TCOF1: variants seen among roughly 807,000 people sequenced by gnomAD.
TCOF1 encodes the protein treacle ribosome biogenesis factor 1.
In TCOF1, 33 loss-of-function variants were observed where a neutral mutation model predicts 149.0. That is an observed-to-expected ratio of 0.22 (90% CI 0.17 to 0.30). The LOEUF (loss-of-function observed/expected upper bound fraction) is 0.30, where lower values mean the gene tolerates loss of function less well. TCOF1 is among the 10% of genes least tolerant of loss of function. TCOF1 has a pLI of 1.00. For synonymous variants in TCOF1, 789 were observed against 738.8 expected, an observed-to-expected ratio of 1.07 and a Z score of -1.10; for missense variants, 1,728 against 1,840.7, an observed-to-expected ratio of 0.94 and a Z score of 1.12.
At chr5:150,383,576 G>T (rs1765673158) in intron 17 of TCOF1, among the ~76,000 whole-genome samples, 1 of 152,230 alleles carries the variant, frequency 6.6e-6, no homozygotes, top group Non-Finnish European at 1.5e-5. Context: ...AAGGGTGCCT[G>T]TTAACTGTGA....
Position 150,376,530 on chromosome 5 carries a change from A to C in TCOF1, c.2250A>C (p.Thr750=). 6.2e-7 allele frequency: 1 copy of C among 1,611,202 alleles called. No homozygotes were observed. Residue 750 remains threonine (T), a synonymous_variant, in exon 14 of 27, where the codon ACA becomes ACC. Coordinates refer to ENST00000643257, the MANE Select transcript of TCOF1 (RefSeq NM_001371623.1). ...APVLPGKTGP[T]VTQVKAEKQE... ...TACTCCCTGGGAAGACGGGGCCTACAGTCACCCAGGTGAAAGCTGAAAAGC... is the reference window on the plus strand; with the variant it reads ...TACTCCCTGGGAAGACGGGGCCTACCGTCACCCAGGTGAAAGCTGAAAAGC...
At chr5:150,369,022 A>C in intron 5 of TCOF1, 120 bp downstream of exon 5, 1 of 1,304,106 alleles carries the variant, frequency 7.7e-7, no homozygotes. Context: ...CAGGACAGCC[A>C]GGTTCCTGCA....
intron 7 of TCOF1, 87 bp downstream of exon 7, chr5:150,372,323 G>A (rs533211110): frequency 9.6e-5 from 112 of 1,167,166 alleles, no homozygotes. Context: ...TCTGCCACTG[G>A]AGTTGGGGAG....
At chr5:150,379,206 A>G (rs1435516482) in intron 15 of TCOF1, 23 bp from the exon 16 acceptor site, 1 of 1,614,144 alleles carries the variant, frequency 6.2e-7, no homozygotes, top group South Asian at 1.1e-5. Flanking sequence ...TGCCTCCAAT[A>G]CTATTATCCC....
chr5:150,376,242 G>T lies in TCOF1; in HGVS notation c.2054G>T (p.Gly685Val), dbSNP rs1305040304. The change falls in exon 13 of 27, where the codon GGC (glycine) becomes GTC (valine). Residue 685 changes from glycine to valine, a missense_variant. Around this residue, in one of 2 missense-constraint regions of TCOF1, gnomAD observed 1,696 missense variants for 1,765.4 expected, o/e 0.96. Coordinates refer to ENST00000643257, the MANE Select transcript of TCOF1 (RefSeq NM_001371623.1). ...PAGSSPAVAG[G>V]TQRPAEDSSS... ...GGCTCATCCCCAGCTGTGGCTGGGG[G>T]CACCCAGAGACCAGCAGAGGATTCT... 1 of 1,614,084 alleles carries T rather than the reference G, an allele frequency of 6.2e-7. No homozygotes were observed. Among genetic ancestry groups the T allele is most frequent in the African/African-American group, 1.3e-5 (1 of 74,946 alleles).
Position 150,379,221 on chromosome 5 carries a change from C to T in TCOF1, c.2479-8C>T, listed in dbSNP as rs1764478285. 1.9e-6 allele frequency: 3 copies of T among 1,614,178 alleles called. No individual in the cohort carries two copies. Among genetic ancestry groups the T allele is most frequent in the Admixed American group, 1.7e-5 (1 of 60,024 alleles). ...TGCCTCCAATACTATTATCCCCCTG[C>T]AATTCAGGTGAAGCCACCAGTGAGA... On this transcript the variant is annotated splice_polypyrimidine_tract_variant and splice_region_variant and intron_variant, in intron 15 of 26. Coordinates refer to ENST00000643257, the MANE Select transcript of TCOF1 (RefSeq NM_001371623.1).
At chr5:150,383,311 C>A in intron 17 of TCOF1, 1 of 724,148 alleles carries the variant, frequency 1.4e-6, no homozygotes, top group Non-Finnish European at 2.2e-6. Flanking sequence ...GCTCTTTCCT[C>A]TATTGTGACA....
intron 5 of TCOF1, among the ~76,000 whole-genome samples, 191 bp downstream of exon 5, chr5:150,369,093 G>C (rs1050521111): frequency 6.6e-6 from 1 of 152,244 alleles, no homozygotes; most frequent in Non-Finnish European, 1.5e-5. Flanking sequence ...CCTGGCCTCA[G>C]GCTGAACAGC....
At chr5:150,395,206 G>A (rs1768210936) in intron 23 of TCOF1, among the ~76,000 whole-genome samples, 1 of 152,248 alleles carries the variant, frequency 6.6e-6, no homozygotes. Flanking sequence ...GCAGGGGGCA[G>A]CCCTAGCCTC....
intron 10 of TCOF1, 66 bp from the exon 11 acceptor site, chr5:150,375,273 T>C (rs1763489868): frequency 1.9e-6 from 3 of 1,604,480 alleles, no homozygotes; most frequent in Middle Eastern, 2.2e-4. Context: ...CTTCGTTTGC[T>C]CTCCTCCCCT....
rs1233383868 is a variant in TCOF1 at position 150,368,921 on chromosome 5, T to G, written c.565+19T>G. 1 of 1,612,974 alleles carries G rather than the reference T, an allele frequency of 6.2e-7. No homozygotes were observed. The highest frequency in any genetic ancestry group is 8.5e-7 in the Non-Finnish European group (1 of 1,179,960). ...AAGCCTGGTAAGAAGTCCCCACCTC[T>G]AGGAACCTAGTCCCCAGAACTTGGG... is the stretch of plus-strand genomic sequence containing the variant. On this transcript the variant is annotated intron_variant, in intron 5 of 26. Transcript: ENST00000643257.
chr5:150,372,242 G>T lies in TCOF1; in HGVS notation c.870+6G>T, dbSNP rs796894327. On this transcript the variant is annotated splice_donor_region_variant and intron_variant, in intron 7 of 26. Transcript: ENST00000643257. ...CTGCAGGGACACGAAGCCAGGTGAG[G>T]CCTGGAGGAGGGCTGCCCCTTGGAG... The T allele has an allele frequency of 1.9e-6, 3 of 1,604,014 alleles. No homozygotes were observed. In the African/African-American group the frequency reaches 4.0e-5, roughly 21 times the overall value.
rs1764386925 is a variant in TCOF1 at position 150,378,854 on chromosome 5, G to T, written c.2341-51G>T. The T allele has an allele frequency of 1.9e-6, 3 of 1,613,306 alleles. No homozygotes were observed. The African/African-American group carries it at 4.0e-5, about 22-fold the overall frequency. On this transcript the variant is annotated intron_variant, in intron 14 of 26. Transcript: ENST00000643257. ...CCAGAGTCTGTATTCTTGGCTAGCT[G>T]CTTTACTCAATCTCACCTTCTCCCT...
chr5:150,384,699 G>T, intron 17 of TCOF1: 1 of 985,492 alleles, frequency 1.0e-6, no homozygotes, highest in Non-Finnish European at 1.2e-6. Context: ...CAGAAAAGAA[G>T]TCAGCGGTTT....
Position 150,374,314 on chromosome 5 carries a change from G to A in TCOF1, c.1011G>A (p.Glu337=). 6.3e-7 allele frequency: 1 copy of A among 1,583,394 alleles called. No individual in the cohort carries two copies. The highest frequency in any genetic ancestry group is 1.1e-5 in the South Asian group (1 of 87,626). ...AGACCAAGGCAGGGAAGCCAGAGGA[G>A]GACTCAGAGAGCAGCAGCGAGGAGT... The part of the protein sequence containing the change: ...ASQTKAGKPE[E]DSESSSEESS... Residue 337 remains glutamate (E), a synonymous_variant, in exon 8 of 27, where the codon GAG becomes GAA. Transcript: ENST00000643257.
intron 5 of TCOF1, 72 bp downstream of exon 5, chr5:150,368,974 T>C: frequency 6.3e-7 from 1 of 1,576,628 alleles, no homozygotes; most frequent in Non-Finnish European, 8.7e-7. Flanking sequence ...GGCATTGCTT[T>C]AAGTTCTGGG....
In TCOF1 at chr5:150,376,240, G is replaced by T; in HGVS notation, c.2052G>T (p.Gly684=). 1 of 1,614,218 alleles carries T rather than the reference G, an allele frequency of 6.2e-7. No homozygotes were observed. Among genetic ancestry groups the T allele is most frequent in the Non-Finnish European group, 8.5e-7 (1 of 1,180,036 alleles). ...SPAGSSPAVA[G]GTQRPAEDSS... Reference sequence around the variant, plus strand: ...CAGGCTCATCCCCAGCTGTGGCTGGGGGCACCCAGAGACCAGCAGAGGATT... The same window carrying T: ...CAGGCTCATCCCCAGCTGTGGCTGGTGGCACCCAGAGACCAGCAGAGGATT... The change falls in exon 13 of 27, where the codon GGG becomes GGT. Residue 684 remains glycine (G), a synonymous_variant. Coordinates refer to ENST00000643257, the MANE Select transcript of TCOF1 (RefSeq NM_001371623.1).
At position 150,374,992 on chromosome 5, in the gene TCOF1, C is replaced by T; in HGVS notation, c.1317C>T (p.Ala439=). The change falls in exon 10 of 27, where the codon GCC becomes GCT. Residue 439 remains alanine (A), a synonymous_variant. Coordinates refer to ENST00000643257, the MANE Select transcript of TCOF1 (RefSeq NM_001371623.1). The part of the protein sequence containing the change: ...PSGKAPQVRA[A]SAPAKESPRK... ...GGAAGGCCCCCCAGGTCAGAGCCGCCTCGGCCCCTGCCAAGGAGTCCCCCA... is the reference window on the plus strand; with the variant it reads ...GGAAGGCCCCCCAGGTCAGAGCCGCTTCGGCCCCTGCCAAGGAGTCCCCCA... 6.2e-7 allele frequency: 1 copy of T among 1,613,932 alleles called. No homozygotes were observed. The highest frequency in any genetic ancestry group is 8.5e-7 in the Non-Finnish European group (1 of 1,179,990).
At chr5:150,398,969 T>C (rs755171015) in intron 25 of TCOF1, 53 bp from the exon 26 acceptor site, 36 of 1,613,842 alleles carry the variant, frequency 2.2e-5, no homozygotes, top group Admixed American at 1.0e-4. Context: ...GGGGCAGCAG[T>C]GGGTGGGGAA....
Sources: gnomAD v4.1 joint callset for allele counts (sites outside exome capture counted in the v4.1 genomes callset) on GRCh38, gnomAD v4.1.1 for gene constraint, gnomAD v4.1.1 regional missense constraint, MANE v1.5 for transcripts, NCBI Gene and HGNC (gene_info 2026-07-23, HGNC 2026-07-21) for gene names.